The following SCAP variants were observed in gnomAD, a reference collection of about 807,000 sequenced individuals.
SCAP encodes SREBF chaperone.
Under a neutral mutation model 123.6 loss-of-function variants are expected in SCAP, and 65 were observed. The observed-to-expected ratio is 0.53, with a 90% CI of 0.43 to 0.65. The LOEUF is 0.65. Ranked by LOEUF, SCAP falls within the 30% of genes least tolerant of loss-of-function variation. SCAP has a pLI of 0.00. For missense variants in SCAP, 1,398 were observed against 1,712.5 expected, an observed-to-expected ratio of 0.82 and a Z score of 3.24; for synonymous variants, 740 against 726.3, an observed-to-expected ratio of 1.02 and a Z score of -0.30.
intron 1 of SCAP, among the ~76,000 whole-genome samples, chr3:47,454,312 G>A (rs759898079): frequency 7.2e-5 from 11 of 151,804 alleles, no homozygotes; most frequent in Non-Finnish European, 1.5e-5. Flanking sequence ...AGCCTGCAGT[G>A]AGCAGAGATC....
At chr3:47,435,465 AACATACACACACACACACACACACACAC>A (rs1287233916) in intron 2 of SCAP, among the ~76,000 whole-genome samples, 4 of 121,482 alleles carry the variant, frequency 3.3e-5, no homozygotes, top group African/African-American at 1.5e-4. Flanking sequence ...ATATAATATA[AACATACACACACACACACACACACACAC>A]ACACACACAC....
Position 47,418,492 on chromosome 3 carries a change from G to C in SCAP, c.2160C>G (p.Ile720Met). Residue 720 changes from isoleucine (I) to methionine (M), a missense_variant, in exon 15 of 23, where the codon ATC becomes ATG. Physicochemically the swap from Ile to Met is conservative, Grantham distance 10. This residue lies in a region of SCAP where 828 missense variants were observed against 882.5 expected (regional missense o/e 0.94). Coordinates refer to ENST00000265565, the MANE Select transcript of SCAP (RefSeq NM_012235.4). ...GGCAGAGCAGCAGCAGCACCAAGAC[G>C]ATGCCGGTGGCCAGGCCCAGCGCCG... ...KVAALGLATG[I>M]VLVLLLLCLY... 2 of 1,599,384 alleles carry C rather than the reference G, an allele frequency of 1.3e-6. No individual in the cohort carries two copies. The highest frequency in any genetic ancestry group is 4.5e-5 in the East Asian group (2 of 44,384).
intron 10 of SCAP, 58 bp from the exon 11 acceptor site, chr3:47,421,087 G>A (rs1047414554): frequency 2.6e-5 from 36 of 1,395,942 alleles, no homozygotes; most frequent in Non-Finnish European, 3.6e-5. Flanking sequence ...CCCAGCCCAA[G>A]AGGAGCAGTA....
intron 1 of SCAP, among the ~76,000 whole-genome samples, chr3:47,465,172 T>C (rs1363146527): frequency 2.0e-5 from 3 of 151,874 alleles, no homozygotes; most frequent in Non-Finnish European, 4.4e-5. Flanking sequence ...GATATTCTTT[T>C]TTTTTTTTCT....
At chr3:47,414,693 T>G (rs571187777) in intron 20 of SCAP, 41 bp from the exon 21 acceptor site, 13 of 1,612,422 alleles carry the variant, frequency 8.1e-6, no homozygotes, top group Non-Finnish European at 1.1e-5. Context: ...CTCTGGGATT[T>G]TCCAAGTTAT....
At chr3:47,447,707 A>C (rs1325388110) in intron 1 of SCAP, among the ~76,000 whole-genome samples, 1 of 151,026 alleles carries the variant, frequency 6.6e-6, no homozygotes, top group African/African-American at 2.4e-5. Context: ...AAAGAAAAGA[A>C]AAGAAAAAAG....
chr3:47,431,644 T>C (rs1706362613), intron 3 of SCAP, among the ~76,000 whole-genome samples: 1 of 152,162 alleles, frequency 6.6e-6, no homozygotes, highest in African/African-American at 2.4e-5. Flanking sequence ...CTTCTAATTA[T>C]ACTGCGGTTA....
Position 47,464,085 on chromosome 3 carries a change from A to G in SCAP, c.-99+11714T>C, listed in dbSNP as rs1371097193. Among the ~76,000 whole-genome samples the G allele has an allele frequency of 4.6e-5, 7 of 152,094 alleles. No individual in the cohort carries two copies. In the East Asian group the frequency reaches 1.4e-3, roughly 29 times the overall value. On this transcript the variant is annotated intron_variant, in intron 1 of 22. Coordinates refer to ENST00000265565, the MANE Select transcript of SCAP (RefSeq NM_012235.4). ...GGCTGGAGTACAGTGGCATGATCTC[A>G]GCTCACTGCAACCTCCGCCTCCCAG...
chr3:47,422,745 C>T (rs147499233), intron 9 of SCAP: 14 of 497,176 alleles, frequency 2.8e-5, no homozygotes, highest in South Asian at 1.6e-4. Flanking sequence ...CTACGGGGAA[C>T]GGGTGTTCAC....
At chr3:47,418,970 TG>T (rs1312877282) in intron 13 of SCAP, 127 bp from the exon 14 acceptor site, 4 of 1,042,772 alleles carry the variant, frequency 3.8e-6, no homozygotes, top group East Asian at 5.5e-5. Flanking sequence ...TCTCCCAGCA[TG>T]GGGGGTTGGG....
rs28489877 is a variant in SCAP, at chr3:47,450,647, G to A, written c.-98-7556C>T. Reference sequence around the variant, plus strand: ...CCCACTTTAGCCTGCCTATAGGCACGTACCACCATGAGAGATAATTTTTGG... The same window carrying A: ...CCCACTTTAGCCTGCCTATAGGCACATACCACCATGAGAGATAATTTTTGG... On this transcript the variant is annotated intron_variant, in intron 1 of 22. Transcript: ENST00000265565. Among the ~76,000 whole-genome samples the A allele has an allele frequency of 3.3e-3, 390 of 117,568 alleles. 71 individuals are homozygous for A. Among genetic ancestry groups the A allele is most frequent in the African/African-American group, 0.011 (371 of 34,282 alleles). The allele number at this position is 117,568 out of a possible 152,430, so 77.1% of individuals were successfully genotyped here.
At chr3:47,428,218 C>A (rs947906079) in intron 4 of SCAP, among the ~76,000 whole-genome samples, 1 of 152,118 alleles carries the variant, frequency 6.6e-6, no homozygotes, top group Admixed American at 6.5e-5. Flanking sequence ...CACACCATAA[C>A]CCACAGGCAG....
At chr3:47,422,716 C>T (rs1705958210) in intron 9 of SCAP, 180 bp from the exon 10 acceptor site, 2 of 536,820 alleles carry the variant, frequency 3.7e-6, no homozygotes, top group South Asian at 5.2e-5. Context: ...TTTAAGGGGC[C>T]ATCACCACCA....
At chr3:47,468,859 C>G (rs533263316) in intron 1 of SCAP, among the ~76,000 whole-genome samples, 2 of 152,150 alleles carry the variant, frequency 1.3e-5, no homozygotes, top group African/African-American at 2.4e-5. Flanking sequence ...TTAGGTCTAA[C>G]ATTTAAGTCT....
At chr3:47,449,050 T>C (rs1447865445) in intron 1 of SCAP, among the ~76,000 whole-genome samples, 1 of 152,202 alleles carries the variant, frequency 6.6e-6, no homozygotes, top group Admixed American at 6.5e-5. Context: ...GTGGTACCAA[T>C]ATGATATCAG....
chr3:47,416,209 G>A (rs1048391896), intron 18 of SCAP, among the ~76,000 whole-genome samples: 11 of 152,230 alleles, frequency 7.2e-5, no homozygotes, highest in Non-Finnish European at 1.6e-4. Flanking sequence ...AAAGGCGTCC[G>A]GCAGAAGGCA....
chr3:47,435,191 C>T (rs1706520681), intron 2 of SCAP, 54 bp from the exon 3 acceptor site: 1 of 1,553,248 alleles, frequency 6.4e-7, no homozygotes, highest in African/African-American at 1.4e-5. Flanking sequence ...GCAGTCCTCT[C>T]TCAGCACTGA....
chr3:47,463,776 C>G (rs1001208646), intron 1 of SCAP, among the ~76,000 whole-genome samples: 45 of 152,186 alleles, frequency 3.0e-4, no homozygotes, highest in Non-Finnish European at 4.4e-5. Context: ...ATCCCCAGAA[C>G]TTTAACAGTG....
rs57702290 is a variant in SCAP at position 47,435,469 on chromosome 3, T to TACACACACACACAC, written c.123-346_123-333dup. Among the ~76,000 whole-genome samples, 321 of 91,938 alleles carry TACACACACACACAC rather than the reference T, an allele frequency of 3.5e-3. 1 individual carries two copies. Among genetic ancestry groups the TACACACACACACAC allele is most frequent in the African/African-American group, 9.7e-3 (281 of 28,914 alleles). 60.3% of individuals were successfully genotyped at this position (91,938 alleles called of 152,430 possible). ...AACATTAACATATATAATATAAACA[T>TACACACACACACAC]ACACACACACACACACACACACACA... is the stretch of plus-strand genomic sequence containing the variant. On this transcript the variant is annotated intron_variant, in intron 2 of 22. Coordinates refer to ENST00000265565, the MANE Select transcript of SCAP (RefSeq NM_012235.4).
Sources: allele counts gnomAD v4.1 joint callset (sites outside exome capture counted in the v4.1 genomes callset), GRCh38; gene constraint gnomAD v4.1.1; regional missense constraint gnomAD v4.1.1; transcripts MANE v1.5; gene names NCBI Gene and HGNC (gene_info 2026-07-23, HGNC 2026-07-21).